The following LPP variants were observed in gnomAD, a reference collection of about 807,000 sequenced individuals.
The protein encoded by LPP is LIM domain containing preferred translocation partner in lipoma.
LPP carries 38 observed loss-of-function variants against 60.4 expected under a neutral mutation model. That is an observed-to-expected ratio of 0.63 (90% CI 0.49 to 0.83). The LOEUF (loss-of-function observed/expected upper bound fraction) is 0.83. Ranked by LOEUF, LPP falls within the 40% of genes least tolerant of loss-of-function variation. The pLI is 0.00. For missense variants in LPP, 902 were observed against 783.6 expected, an observed-to-expected ratio of 1.15 and a Z score of -1.80; for synonymous variants, 328 against 290.8, an observed-to-expected ratio of 1.13 and a Z score of -1.30.
intron 8 of LPP, among the ~76,000 whole-genome samples, chr3:188,713,389 GA>G (rs34959281): frequency 0.1 from 14,588 of 144,398 alleles, 873 homozygotes; most frequent in Middle Eastern, 0.15. Context: ...AATTCTGGAT[GA>G]AAAAAAAAAA....
chr3:188,267,992 G>A (rs1291440141), intron 2 of LPP, among the ~76,000 whole-genome samples: 3 of 150,036 alleles, frequency 2.0e-5, no homozygotes, highest in Non-Finnish European at 3.0e-5. Context: ...GAGAGGAATC[G>A]ATGGAATTCC....
intron 1 of LPP, among the ~76,000 whole-genome samples, chr3:188,156,470 A>G (rs575437299): frequency 6.6e-6 from 1 of 152,300 alleles, no homozygotes; most frequent in South Asian, 2.1e-4. Context: ...GACATGATTT[A>G]GAGGGGAGGT....
rs538170520 is a variant in LPP at position 188,786,984 on chromosome 3, C to T, written c.1410+26702C>T. 7.2e-5 allele frequency among the ~76,000 whole-genome samples: 11 copies of T among 152,240 alleles called. No individual in the cohort carries two copies. The East Asian group carries it at 1.9e-3, about 27-fold the overall frequency. On this transcript the variant is annotated intron_variant, in intron 9 of 11. Transcript: ENST00000617246. ...TGGGGTAGCTGTGGTTATAAAAGGA[C>T]AATAGAAGGGATCATTGTGGTGATG...
chr3:188,534,832 A>G (rs9283657), intron 6 of LPP, among the ~76,000 whole-genome samples: 20,610 of 152,162 alleles, frequency 0.14, 1,725 homozygotes, highest in Middle Eastern at 0.21. Flanking sequence ...ACATATCACA[A>G]TTTTTCATGG....
chr3:188,344,015 C>A (rs565331000), intron 3 of LPP, among the ~76,000 whole-genome samples: 1 of 152,214 alleles, frequency 6.6e-6, no homozygotes, highest in African/African-American at 2.4e-5. Flanking sequence ...CAAACCAAAT[C>A]TATTTAAAGC....
intron 7 of LPP, among the ~76,000 whole-genome samples, chr3:188,686,449 C>G (rs1404156498): frequency 6.6e-6 from 1 of 152,170 alleles, no homozygotes; most frequent in Non-Finnish European, 1.5e-5. Context: ...GGCATAGATA[C>G]TGGGTGGATA....
At chr3:188,699,962 A>G (rs1489286941) in intron 7 of LPP, among the ~76,000 whole-genome samples, 1 of 152,246 alleles carries the variant, frequency 6.6e-6, no homozygotes, top group Admixed American at 6.5e-5. Flanking sequence ...GAACGAAAAT[A>G]TCAGAAATAT....
chr3:188,715,376 CAAAAAAAAAAAAAAAAAAA>C (rs35761284), intron 8 of LPP, among the ~76,000 whole-genome samples: 2 of 63,664 alleles, frequency 3.1e-5, no homozygotes, highest in South Asian at 9.2e-4. Flanking sequence ...GACTCCGTCT[CAAAAAAAAAAAAAAAAAAA>C]AAAAAAAAAA....
At chr3:188,438,346 C>G (rs905167874) in intron 4 of LPP, among the ~76,000 whole-genome samples, 3 of 129,824 alleles carry the variant, frequency 2.3e-5, no homozygotes, top group Middle Eastern at 4.2e-3. Context: ...AGACACTATT[C>G]CATGCATTAC....
At chr3:188,161,299 T>C (rs998332258) in intron 1 of LPP, among the ~76,000 whole-genome samples, 2 of 152,172 alleles carry the variant, frequency 1.3e-5, no homozygotes, top group Non-Finnish European at 2.9e-5. Context: ...TGCTGAAGTA[T>C]TCCAGGACAG....
chr3:188,469,041 A>C (rs1015035859), intron 4 of LPP, among the ~76,000 whole-genome samples: 1 of 152,172 alleles, frequency 6.6e-6, no homozygotes, highest in African/African-American at 2.4e-5. Context: ...GAAGTGAAGA[A>C]AGCAGAGTGA....
At chr3:188,431,900 C>CT (rs1026136028) in intron 4 of LPP, among the ~76,000 whole-genome samples, 2 of 152,170 alleles carry the variant, frequency 1.3e-5, no homozygotes, top group Non-Finnish European at 2.9e-5. Flanking sequence ...GGGTCATAGT[C>CT]TCCGCAGTCT....
intron 9 of LPP, among the ~76,000 whole-genome samples, chr3:188,853,034 C>T (rs976020945): frequency 1.2e-4 from 18 of 152,124 alleles, no homozygotes; most frequent in South Asian, 8.3e-4. Context: ...CCTGTAATCC[C>T]GGCTACTCAG....
At chr3:188,675,128 C>A (rs7634218) in intron 7 of LPP, among the ~76,000 whole-genome samples, 59,237 of 151,938 alleles carry the variant, frequency 0.39, 12,166 homozygotes, top group East Asian at 0.77. Context: ...GAGGACCAGC[C>A]CTGCTGGAAG....
At chr3:188,719,982 G>T (rs1448870462) in intron 8 of LPP, among the ~76,000 whole-genome samples, 2 of 152,148 alleles carry the variant, frequency 1.3e-5, no homozygotes, top group Admixed American at 6.5e-5. Context: ...GCGTGATCTT[G>T]GCTCACTGCA....
At chr3:188,820,082 TA>T (rs776663205) in intron 9 of LPP, among the ~76,000 whole-genome samples, 4 of 152,222 alleles carry the variant, frequency 2.6e-5, no homozygotes, top group Non-Finnish European at 4.4e-5. Flanking sequence ...CACTGTTGTG[TA>T]ATAGGGTTAG....
chr3:188,766,632 C>T (rs16848797), intron 9 of LPP, among the ~76,000 whole-genome samples: 2 of 152,070 alleles, frequency 1.3e-5, no homozygotes, highest in Non-Finnish European at 2.9e-5. Context: ...TTCCCAAGGC[C>T]GGCTATCTCT....
intron 7 of LPP, among the ~76,000 whole-genome samples, chr3:188,615,747 T>C (rs987690432): frequency 6.6e-6 from 1 of 152,200 alleles, no homozygotes; most frequent in Non-Finnish European, 1.5e-5. Flanking sequence ...CAGCATCTGT[T>C]GTTTCTTGAC....
intron 9 of LPP, among the ~76,000 whole-genome samples, chr3:188,834,324 GTT>G (rs71867135): frequency 1.1e-3 from 37 of 34,098 alleles, no homozygotes; most frequent in African/African-American, 2.7e-3. Context: ...CTTTTTGGGT[GTT>G]TTTTTTTTTT....
Sources: gnomAD v4.1 joint callset for allele counts (sites outside exome capture counted in the v4.1 genomes callset) on GRCh38, gnomAD v4.1.1 for gene constraint, MANE v1.5 for transcripts, NCBI Gene and HGNC (gene_info 2026-07-23, HGNC 2026-07-21) for gene names.